The following SLC9A2 variants were observed in gnomAD, a reference collection of about 807,000 sequenced individuals.
SLC9A2 encodes the protein sodium/hydrogen exchanger 2.
Under a neutral mutation model 71.7 loss-of-function variants are expected in SLC9A2, and 42 were observed. The observed-to-expected ratio is 0.59, with a 90% CI of 0.46 to 0.76. SLC9A2 has a LOEUF of 0.76. Ranked by LOEUF, SLC9A2 falls within the 30% of genes least tolerant of loss-of-function variation. The pLI is 0.00. For missense variants in SLC9A2, 829 were observed against 1,017.4 expected, an observed-to-expected ratio of 0.81 and a Z score of 2.52; for synonymous variants, 396 against 392.5, an observed-to-expected ratio of 1.01 and a Z score of -0.10.
chr2:102,677,726 T>G (rs1288755044), intron 3 of SLC9A2, among the ~76,000 whole-genome samples: 2 of 152,230 alleles, frequency 1.3e-5, no homozygotes, highest in Non-Finnish European at 1.5e-5. Flanking sequence ...ACTTTTCTTT[T>G]TCCTCATGGA....
At chr2:102,690,494 T>C (rs1456889153) in intron 5 of SLC9A2, among the ~76,000 whole-genome samples, 3 of 152,124 alleles carry the variant, frequency 2.0e-5, no homozygotes, top group Non-Finnish European at 4.4e-5. Flanking sequence ...AGGATGGTTT[T>C]TGTTTCTGAT....
At chr2:102,671,346 A>G (rs1187280459) in intron 3 of SLC9A2, among the ~76,000 whole-genome samples, 6 of 152,190 alleles carry the variant, frequency 3.9e-5, no homozygotes, top group Non-Finnish European at 7.3e-5. Context: ...ACCACCCCAA[A>G]CATAAATAAG....
chr2:102,638,130 A>G (rs1676505763), intron 1 of SLC9A2, among the ~76,000 whole-genome samples: 1 of 152,226 alleles, frequency 6.6e-6, no homozygotes, highest in South Asian at 2.1e-4. Flanking sequence ...GATAGGCCCA[A>G]CAAAATAGGC....
intron 1 of SLC9A2, among the ~76,000 whole-genome samples, chr2:102,626,603 A>G (rs1407988759): frequency 6.6e-6 from 1 of 152,256 alleles, no homozygotes; most frequent in African/African-American, 2.4e-5. Context: ...GCTTCTGCAC[A>G]GCAAAATGAA....
chr2:102,622,229 C>T (rs188975574), intron 1 of SLC9A2, among the ~76,000 whole-genome samples: 320 of 152,170 alleles, frequency 2.1e-3, no homozygotes, highest in Non-Finnish European at 3.4e-3. Context: ...TAGGGAGTGG[C>T]GGTATTAATA....
rs1315777263 is a variant in SLC9A2, at chr2:102,711,148, A to G, written c.*2659A>G. 1.3e-5 allele frequency: 2 copies of G among 152,354 alleles called. No homozygotes were observed. Among genetic ancestry groups the G allele is most frequent in the Admixed American group, 1.3e-4 (2 of 15,286 alleles). The allele number at this position is 152,354 out of a possible 1,614,324, so 9.4% of individuals were successfully genotyped here. ...GGCGGTGAGGGTATTGATTTACATA[A>G]AAACTGTAGACAAACACAGTACGAG... On this transcript the variant is annotated 3_prime_UTR_variant, in exon 12 of 12. Coordinates refer to ENST00000233969, the MANE Select transcript of SLC9A2 (RefSeq NM_003048.6).
chr2:102,705,531 C>T (rs1677959410), intron 10 of SLC9A2, among the ~76,000 whole-genome samples: 10 of 150,528 alleles, frequency 6.6e-5, no homozygotes. Context: ...CATGTAGGTT[C>T]TAAGTCTTTC....
intron 1 of SLC9A2, among the ~76,000 whole-genome samples, chr2:102,641,423 G>T (rs1676579049): frequency 6.6e-6 from 1 of 151,850 alleles, no homozygotes; most frequent in Admixed American, 6.6e-5. Context: ...TTCATGCAGT[G>T]TCTCTTGTGG....
At chr2:102,665,384 G>A (rs1183843715) in intron 3 of SLC9A2, 34 bp downstream of exon 3, 1 of 1,581,314 alleles carries the variant, frequency 6.3e-7, no homozygotes, top group South Asian at 1.1e-5. Flanking sequence ...GCTCGATGAT[G>A]GCATTTCATT....
intron 3 of SLC9A2, among the ~76,000 whole-genome samples, chr2:102,677,270 GTC>G (rs60621242): frequency 0.056 from 8,461 of 152,104 alleles, 455 homozygotes; most frequent in African/African-American, 0.14. Flanking sequence ...AGAAAGGAAA[GTC>G]TATTTCCACC....
At chr2:102,658,160 C>T (rs765819437) in intron 2 of SLC9A2, 133 bp downstream of exon 2, 10 of 622,964 alleles carry the variant, frequency 1.6e-5, no homozygotes, top group Non-Finnish European at 2.8e-5. Context: ...GCCCAGGGCC[C>T]TTCACTTGGT....
intron 1 of SLC9A2, among the ~76,000 whole-genome samples, chr2:102,656,489 G>A (rs575162052): frequency 6.6e-6 from 1 of 152,270 alleles, no homozygotes; most frequent in South Asian, 2.1e-4. Context: ...CCTTGTATTA[G>A]AGTAAGTCGT....
chr2:102,639,517 T>C (rs1241944036), intron 1 of SLC9A2, among the ~76,000 whole-genome samples: 2 of 152,224 alleles, frequency 1.3e-5, no homozygotes, highest in Non-Finnish European at 1.5e-5. Context: ...CAGAGATCCA[T>C]TTAGCAGCAT....
At chr2:102,697,414 A>C (rs1042756249) in intron 7 of SLC9A2, 1 of 151,952 alleles carries the variant, frequency 6.6e-6, no homozygotes. Context: ...CTGCCAGATT[A>C]ATTGGCTGTA....
At chr2:102,682,564 C>A (rs1277118971) in intron 3 of SLC9A2, among the ~76,000 whole-genome samples, 1 of 152,094 alleles carries the variant, frequency 6.6e-6, no homozygotes, top group Non-Finnish European at 1.5e-5. Flanking sequence ...ACTCTGTGGT[C>A]CCAAAGTTTT....
intron 1 of SLC9A2, among the ~76,000 whole-genome samples, chr2:102,642,849 C>A (rs1676636123): frequency 6.6e-6 from 1 of 152,136 alleles, no homozygotes; most frequent in Non-Finnish European, 1.5e-5. Flanking sequence ...AGTTGTAGGG[C>A]TATTCAGTTA....
Position 102,665,209 on chromosome 2 carries a change from T to C in SLC9A2, c.863T>C (p.Ile288Thr), listed in dbSNP as rs1230203233. Residue 288 changes from isoleucine to threonine, a missense_variant, in exon 3 of 12, where the codon ATT (isoleucine) becomes ACT (threonine). Around this residue, in one of 3 missense-constraint regions of SLC9A2, gnomAD observed 500 missense variants for 726.3 expected, o/e 0.69. Coordinates refer to ENST00000233969, the MANE Select transcript of SLC9A2 (RefSeq NM_003048.6). The stretch of plus-strand genomic sequence containing the variant: ...GTTGTGGGAATCGGTGGGGTGCTGA[T>C]TGGCATCTTCTTGGGCTTTATAGCG... Reference protein sequence around the residue: ...FFVVGIGGVLIGIFLGFIAAF... With the variant: ...FFVVGIGGVLTGIFLGFIAAF... 6 of 1,614,002 alleles carry C rather than the reference T, an allele frequency of 3.7e-6. No individual in the cohort carries two copies. The highest frequency in any genetic ancestry group is 2.7e-5 in the African/African-American group (2 of 74,894).
At chr2:102,645,513 G>A (rs1468371913) in intron 1 of SLC9A2, among the ~76,000 whole-genome samples, 1 of 152,006 alleles carries the variant, frequency 6.6e-6, no homozygotes, top group Non-Finnish European at 1.5e-5. Flanking sequence ...CTGAGCTAAA[G>A]GAGCATGTTC....
rs151171879 is a variant in SLC9A2 at position 102,627,980 on chromosome 2, T to C, written c.289+7843T>C. Reference sequence around the variant, plus strand: ...TAAAGTGACATCAGTCTTATTAAAATGAACAAAATTACTTCAGTAGCTTAC... The same window carrying C: ...TAAAGTGACATCAGTCTTATTAAAACGAACAAAATTACTTCAGTAGCTTAC... On this transcript the variant is annotated intron_variant, in intron 1 of 11. Transcript: ENST00000233969. 2.6e-3 allele frequency among the ~76,000 whole-genome samples: 398 copies of C among 152,266 alleles called. 4 individuals are homozygous for C. The highest frequency in any genetic ancestry group is 0.019 in the East Asian group (96 of 5,184).
Sources: gnomAD v4.1 joint callset for allele counts (sites outside exome capture counted in the v4.1 genomes callset) on GRCh38, gnomAD v4.1.1 for gene constraint, gnomAD v4.1.1 regional missense constraint, MANE v1.5 for transcripts, NCBI Gene and HGNC (gene_info 2026-07-23, HGNC 2026-07-21) for gene names.